The following MACF1 variants were observed in gnomAD, a reference collection of about 807,000 sequenced individuals.
The protein encoded by MACF1 is microtubule-actin cross-linking factor 1.
A neutral mutation model predicts 854.8 loss-of-function variants in MACF1; 193 were observed. The observed-to-expected ratio is 0.23, with a 90% confidence interval of 0.20 to 0.25. MACF1 has a LOEUF of 0.25. Among genes scored for constraint, MACF1 ranks in the 10% least tolerant of loss-of-function variants. MACF1 has a pLI of 1.00. For missense variants in MACF1, 7,722 were observed against 8,929.1 expected (o/e 0.86, Z 5.45); for synonymous variants, 3,185 against 3,226.7 (o/e 0.99, Z 0.44).
At chr1:39,150,849 G>A (rs777855554) in intron 2 of MACF1, among the ~76,000 whole-genome samples, 8 of 151,742 alleles carry the variant, frequency 5.3e-5, no homozygotes, top group African/African-American at 1.9e-4. Context: ...CCTCATTTTC[G>A]TATTTATCTT....
chr1:39,447,343 T>C lies in MACF1; in HGVS notation c.19606-89T>C, dbSNP rs1368673626. 9 of 1,232,190 alleles carry C rather than the reference T, an allele frequency of 7.3e-6. No individual in the cohort carries two copies. The African/African-American group carries it at 1.2e-4, about 17-fold the overall frequency. 76.3% of individuals were successfully genotyped at this position (1,232,190 alleles called of 1,614,324 possible). A position where few individuals can be genotyped will look rare whatever the true frequency, so the allele number is the denominator to read the frequency against. ...CCTTTTTAGAGGTCATTTCATTTGT[T>C]GTACAATTCATGCCTTTGTCGCTGA... On this transcript the variant is annotated intron_variant, in intron 80 of 100. Transcript: ENST00000564288.
rs142099804 is a variant in MACF1 at position 39,324,982 on chromosome 1, G to A, written c.4478+248G>A. 2.0e-4 allele frequency among the ~76,000 whole-genome samples: 30 copies of A among 152,356 alleles called. 1 individual carries two copies. The East Asian group carries it at 5.2e-3, about 26-fold the overall frequency. Reference sequence around the variant, plus strand: ...TATGAAGAAAGGATTGACATGTGGTGAGAATAGAGGCTGAGAGGCCTGTTA... The same window carrying A: ...TATGAAGAAAGGATTGACATGTGGTAAGAATAGAGGCTGAGAGGCCTGTTA... On this transcript the variant is annotated intron_variant, in intron 35 of 100. Coordinates refer to ENST00000564288, the MANE Select transcript of MACF1 (RefSeq NM_001394062.1).
Position 39,422,270 on chromosome 1 carries a change from G to A in MACF1, c.15817-104G>A, listed in dbSNP as rs577362956. ...TTGTTCTTTCTTTTTATTCCTGGTC[G>A]TCTTTCATTAAGTCATAAATGCCCC... On this transcript the variant is annotated intron_variant, in intron 58 of 100. Coordinates refer to ENST00000564288, the MANE Select transcript of MACF1 (RefSeq NM_001394062.1). 3.9e-5 allele frequency: 32 copies of A among 817,886 alleles called. 1 individual carries two copies. Among genetic ancestry groups the A allele is most frequent in the South Asian group, 2.4e-4 (11 of 45,290 alleles). The allele number at this position is 817,886 out of a possible 1,614,324, so 50.7% of individuals were successfully genotyped here.
intron 2 of MACF1, among the ~76,000 whole-genome samples, chr1:39,154,704 C>G (rs1643648123): frequency 6.6e-6 from 1 of 151,128 alleles, no homozygotes; most frequent in African/African-American, 2.4e-5. Context: ...GGGCTCTGTC[C>G]TTGAGCAGGG....
intron 52 of MACF1, among the ~76,000 whole-genome samples, chr1:39,373,885 G>A (rs957656802): frequency 6.6e-6 from 1 of 151,300 alleles, no homozygotes; most frequent in African/African-American, 2.4e-5. Context: ...TTCAAAGGGG[G>A]TACAAAGATT....
At chr1:39,102,081 C>T (rs909948171) in intron 2 of MACF1, among the ~76,000 whole-genome samples, 50 of 151,132 alleles carry the variant, frequency 3.3e-4, no homozygotes, top group African/African-American at 1.2e-3. Context: ...GAGGCTGAGG[C>T]AGGAGAATGG....
In MACF1 at chr1:39,105,365, G is replaced by A; in HGVS notation, c.220+20927G>A. On this transcript the variant is annotated intron_variant, in intron 2 of 93. Transcript: ENST00000361689. This position sits in a 1 kb window ranked among gnomAD's most constrained non-coding sequence, Gnocchi z 5.9. Reference sequence around the variant, plus strand: ...CGCTGCAGCCGCGCCGGGGCGGGCTGAGGGAGGAGCGGAGCCGAGGGGTGA... The same window carrying A: ...CGCTGCAGCCGCGCCGGGGCGGGCTAAGGGAGGAGCGGAGCCGAGGGGTGA... The A allele has an allele frequency of 1.0e-6, 1 of 977,858 alleles. No individual in the cohort carries two copies. The highest frequency in any genetic ancestry group is 1.2e-6 in the Non-Finnish European group (1 of 823,572). The allele number at this position is 977,858 out of a possible 1,614,324, so 60.6% of individuals were successfully genotyped here.
Position 39,394,962 on chromosome 1 carries a change from C to T in MACF1, c.15816+6304C>T, listed in dbSNP as rs561244885. ...TTCCTTGGCCTGTCTTGGTTTTTTCCTTTCTTCCTTAAACAAAGCTACTCC... is the reference window on the plus strand; with the variant it reads ...TTCCTTGGCCTGTCTTGGTTTTTTCTTTTCTTCCTTAAACAAAGCTACTCC... On this transcript the variant is annotated intron_variant, in intron 58 of 100. Coordinates refer to ENST00000564288, the MANE Select transcript of MACF1 (RefSeq NM_001394062.1). Among the ~76,000 whole-genome samples, 4 of 152,232 alleles carry T rather than the reference C, an allele frequency of 2.6e-5. No homozygotes were observed. The South Asian group carries it at 8.3e-4, about 32-fold the overall frequency.
At chr1:39,285,938 C>T (rs1009645745) in intron 14 of MACF1, among the ~76,000 whole-genome samples, 180 bp downstream of exon 14, 7 of 152,166 alleles carry the variant, frequency 4.6e-5, no homozygotes, top group African/African-American at 1.7e-4. Context: ...ACAGTTTCCC[C>T]TTATTGCAGC....
chr1:39,330,813 T>C (rs1160453422), intron 36 of MACF1, among the ~76,000 whole-genome samples: 1 of 151,790 alleles, frequency 6.6e-6, no homozygotes, highest in Non-Finnish European at 1.5e-5. Flanking sequence ...TTTTTTTTTT[T>C]TTTTTTGAGA....
intron 58 of MACF1, among the ~76,000 whole-genome samples, chr1:39,389,207 C>G (rs953447219): frequency 4.6e-5 from 7 of 151,904 alleles, no homozygotes; most frequent in Admixed American, 2.6e-4. Flanking sequence ...TTATTTCAGT[C>G]TTTATAACCA....
At chr1:39,097,803 A>G (rs1641973168) in intron 2 of MACF1, among the ~76,000 whole-genome samples, 1 of 152,028 alleles carries the variant, frequency 6.6e-6, no homozygotes, top group African/African-American at 2.4e-5. Context: ...GATGCTGGTG[A>G]ACTGCTTCAC....
At chr1:39,085,172 C>G (rs1641640696) in intron 2 of MACF1, among the ~76,000 whole-genome samples, 1 of 152,214 alleles carries the variant, frequency 6.6e-6, no homozygotes, top group African/African-American at 2.4e-5. Flanking sequence ...GGGCAAGTCC[C>G]TTATTCTTTC....
chr1:39,220,805 G>A (rs1644643337), intron 1 of MACF1, among the ~76,000 whole-genome samples: 4 of 152,130 alleles, frequency 2.6e-5, no homozygotes, highest in African/African-American at 9.7e-5. Context: ...GAAGTTTAAA[G>A]CATGGATCTT....
chr1:39,477,153 C>G (rs1480997521), intron 97 of MACF1, among the ~76,000 whole-genome samples: 2 of 119,246 alleles, frequency 1.7e-5, no homozygotes, highest in African/African-American at 5.8e-5. Flanking sequence ...CACACACACA[C>G]AGATGTGCAA....
chr1:39,146,218 G>A (rs1643459999), intron 2 of MACF1, among the ~76,000 whole-genome samples: 1 of 152,126 alleles, frequency 6.6e-6, no homozygotes, highest in South Asian at 2.1e-4. Context: ...TGAGGTGGGT[G>A]GATCATTTGA....
intron 2 of MACF1, among the ~76,000 whole-genome samples, chr1:39,143,345 G>C (rs945970495): frequency 3.9e-5 from 6 of 152,122 alleles, no homozygotes; most frequent in Non-Finnish European, 7.3e-5. Context: ...TACACTTTCT[G>C]GTGGCAATGT....
intron 4 of MACF1, among the ~76,000 whole-genome samples, chr1:39,252,142 T>C (rs1332758436): frequency 6.6e-6 from 1 of 152,232 alleles, no homozygotes; most frequent in Non-Finnish European, 1.5e-5. Flanking sequence ...GGACTGGGAA[T>C]TGTTTTTCTT....
chr1:39,237,401 A>G (rs563697521), intron 2 of MACF1, among the ~76,000 whole-genome samples: 2 of 152,366 alleles, frequency 1.3e-5, no homozygotes, highest in East Asian at 1.9e-4. Flanking sequence ...GTATTATGCT[A>G]CTTTCTCTGT....
Sources: allele counts gnomAD v4.1 joint callset (sites outside exome capture counted in the v4.1 genomes callset), GRCh38; gene constraint gnomAD v4.1.1; non-coding constraint Gnocchi (gnomAD v3.1); transcripts MANE v1.5; gene names NCBI Gene and HGNC (gene_info 2026-07-23, HGNC 2026-07-21).